ZCCHC14: variants seen among roughly 807,000 people sequenced by gnomAD.
ZCCHC14 encodes the protein zinc finger CCHC domain-containing protein 14.
Under a neutral mutation model 85.0 loss-of-function variants are expected in ZCCHC14, and 16 were observed. The ratio of observed to expected loss-of-function variants is 0.19; its 90% CI spans 0.13 to 0.29. ZCCHC14 has a LOEUF of 0.29. ZCCHC14 is among the 10% of genes least tolerant of loss of function. The probability of loss-of-function intolerance (pLI) is 1.00; values close to 1 mark genes in which losing one functional copy is unlikely to be tolerated. For missense variants in ZCCHC14, 1,303 were observed against 1,443.5 expected, an observed-to-expected ratio of 0.90 and a Z score of 1.58; for synonymous variants, 775 against 630.7, an observed-to-expected ratio of 1.23 and a Z score of -3.43.
chr16:87,479,248 T>C (rs1482745691), intron 1 of ZCCHC14, among the ~76,000 whole-genome samples: 1 of 151,904 alleles, frequency 6.6e-6, no homozygotes, highest in East Asian at 1.9e-4. Flanking sequence ...AAACCCTGTC[T>C]CTACTAAAAA....
chr16:87,482,765 G>A (rs536446452), intron 1 of ZCCHC14, among the ~76,000 whole-genome samples: 1 of 152,270 alleles, frequency 6.6e-6, no homozygotes, highest in Admixed American at 6.5e-5. Flanking sequence ...ATGGCACTGG[G>A]ACAAATGGGC....
chr16:87,482,808 C>A (rs554772713), intron 1 of ZCCHC14, among the ~76,000 whole-genome samples: 40 of 152,244 alleles, frequency 2.6e-4, no homozygotes, highest in Non-Finnish European at 4.3e-4. Context: ...TAACTTTGTA[C>A]CTTATACCAA....
At chr16:87,475,646 C>T (rs1397883672) in intron 1 of ZCCHC14, among the ~76,000 whole-genome samples, 1 of 150,768 alleles carries the variant, frequency 6.6e-6, no homozygotes, top group Non-Finnish European at 1.5e-5. Context: ...TAACAGCAGA[C>T]TGGAGGTAAC....
intron 2 of ZCCHC14, among the ~76,000 whole-genome samples, chr16:87,456,386 C>G (rs989346295): frequency 4.0e-5 from 6 of 151,712 alleles, no homozygotes; most frequent in African/African-American, 1.5e-4. Context: ...AAAAAATAGC[C>G]GGGCGTGGTG....
At chr16:87,445,684 T>C (rs1005413405) in intron 2 of ZCCHC14, among the ~76,000 whole-genome samples, 1 of 152,268 alleles carries the variant, frequency 6.6e-6, no homozygotes, top group South Asian at 2.1e-4. Flanking sequence ...CCGCTACGAC[T>C]ATGTGATGAC....
intron 5 of ZCCHC14, 118 bp from the exon 6 acceptor site, chr16:87,419,995 G>A (rs1302944135): frequency 5.4e-6 from 4 of 742,384 alleles, no homozygotes; most frequent in Non-Finnish European, 6.3e-6. Flanking sequence ...AAAGCCAGAA[G>A]TGCCAGAGCC....
rs370296813 is a variant in ZCCHC14, at chr16:87,433,070, G to A, written c.768+58C>T. 745 of 1,546,154 alleles carry A rather than the reference G, an allele frequency of 4.8e-4. 2 individuals are homozygous for A. The African/African-American group carries it at 8.4e-3, about 17-fold the overall frequency. ...AGCTAGGAAGGAAAAGCATCTCCAG[G>A]GTAAGTGTTTTCTTCCTAGCCTTCC... On this transcript the variant is annotated intron_variant, in intron 3 of 12. Coordinates refer to ENST00000671377, the MANE Select transcript of ZCCHC14 (RefSeq NM_015144.3).
At chr16:87,460,883 T>C (rs1431096885) in intron 1 of ZCCHC14, among the ~76,000 whole-genome samples, 2 of 152,192 alleles carry the variant, frequency 1.3e-5, no homozygotes, top group Admixed American at 1.3e-4. Flanking sequence ...AAGAACAGAA[T>C]ACAACTCGGT....
intron 2 of ZCCHC14, among the ~76,000 whole-genome samples, chr16:87,441,553 G>A (rs1396049495): frequency 1.3e-5 from 2 of 152,076 alleles, no homozygotes; most frequent in African/African-American, 4.8e-5. Context: ...ACATACTGGT[G>A]TTACTCCATT....
intron 1 of ZCCHC14, among the ~76,000 whole-genome samples, chr16:87,483,224 G>A (rs1912365094): frequency 6.7e-6 from 1 of 149,352 alleles, no homozygotes; most frequent in African/African-American, 2.5e-5. Context: ...TTGGGAGGCC[G>A]AGGTGGGTGG....
chr16:87,419,471 T>G (rs571594677), intron 6 of ZCCHC14, among the ~76,000 whole-genome samples: 2 of 152,356 alleles, frequency 1.3e-5, no homozygotes, highest in East Asian at 3.9e-4. Context: ...TGGCTAATTT[T>G]TTTGTATTTT....
At chr16:87,486,352 T>C (rs1476429696) in intron 1 of ZCCHC14, among the ~76,000 whole-genome samples, 1 of 152,228 alleles carries the variant, frequency 6.6e-6, no homozygotes, top group African/African-American at 2.4e-5. Flanking sequence ...ACCTATTCTG[T>C]GTTTAGATAC....
In ZCCHC14 at chr16:87,408,425, G is replaced by A. The variant is rs1908296260; in HGVS notation, c.*1855C>T. 6.6e-6 allele frequency: 1 copy of A among 152,540 alleles called. No individual in the cohort carries two copies. The highest frequency in any genetic ancestry group is 6.5e-5 in the Admixed American group (1 of 15,276). The allele number at this position is 152,540 out of a possible 1,614,324, so 9.4% of individuals were successfully genotyped here. ...TGAACACTCTAAGTCTTCCTTAAAC[G>A]TAATATGAGAAGGTCCAGTCTAGTA... On this transcript the variant is annotated 3_prime_UTR_variant, in exon 13 of 13. Coordinates refer to ENST00000671377, the MANE Select transcript of ZCCHC14 (RefSeq NM_015144.3).
chr16:87,484,489 C>T (rs186743091), intron 1 of ZCCHC14, among the ~76,000 whole-genome samples: 5 of 152,314 alleles, frequency 3.3e-5, no homozygotes, highest in South Asian at 4.1e-4. Context: ...AGTGACTTCA[C>T]GAAGCATGGC....
intron 1 of ZCCHC14, chr16:87,471,544 C>A (rs1428850930): frequency 6.6e-6 from 1 of 152,260 alleles, no homozygotes; most frequent in Non-Finnish European, 1.5e-5. Flanking sequence ...CACAAATAGC[C>A]ACAGGGCAGC....
At chr16:87,416,327 C>T (rs954594516) in intron 8 of ZCCHC14, among the ~76,000 whole-genome samples, 6 of 152,186 alleles carry the variant, frequency 3.9e-5, no homozygotes, top group East Asian at 3.8e-4. Flanking sequence ...GCTGGTGCTA[C>T]GCAAACACAC....
chr16:87,434,459 C>A (rs1409256209), intron 2 of ZCCHC14, among the ~76,000 whole-genome samples: 3 of 152,248 alleles, frequency 2.0e-5, no homozygotes, highest in Non-Finnish European at 4.4e-5. Context: ...CTCCACCAGC[C>A]TTCGCTGGGT....
At chr16:87,477,142 C>A (rs4843616) in intron 1 of ZCCHC14, among the ~76,000 whole-genome samples, 13,785 of 75,878 alleles carry the variant, frequency 0.18, 1,524 homozygotes, top group African/African-American at 0.41. Flanking sequence ...AAAAAAAAAA[C>A]AAAACAAAAC....
rs1200481817 is a variant in ZCCHC14 at position 87,414,550 on chromosome 16, T to C, written c.1476-9A>G. ...GTCTCTCTGACTTCTCCCTGTGAAA[T>C]AATCAAGCACAGGAACAAGTGAGCA... On this transcript the variant is annotated splice_polypyrimidine_tract_variant and intron_variant, in intron 9 of 12. Transcript: ENST00000671377. 1 of 1,608,298 alleles carries C rather than the reference T, an allele frequency of 6.2e-7. No homozygotes were observed. The highest frequency in any genetic ancestry group is 8.5e-7 in the Non-Finnish European group (1 of 1,176,854).
Sources: allele counts gnomAD v4.1 joint callset (sites outside exome capture counted in the v4.1 genomes callset), GRCh38; gene constraint gnomAD v4.1.1; transcripts MANE v1.5; gene names NCBI Gene and HGNC (gene_info 2026-07-23, HGNC 2026-07-21).